PIANP: variants seen among roughly 807,000 people sequenced by gnomAD.
PIANP encodes the protein PILR alpha associated neural protein, also known as PILR alpha-associated neural protein.
Under a neutral mutation model 28.9 loss-of-function variants are expected in PIANP, and 14 were observed. That is an observed-to-expected ratio of 0.49 (90% CI 0.32 to 0.76). PIANP has a LOEUF of 0.76. Ranked by LOEUF, PIANP falls within the 30% of genes least tolerant of loss-of-function variation. The pLI is 0.03. For synonymous variants in PIANP, 149 were observed against 156.6 expected, an observed-to-expected ratio of 0.95 and a Z score of 0.36; for missense variants, 322 against 371.8, an observed-to-expected ratio of 0.87 and a Z score of 1.10.
Position 6,694,749 on chromosome 12 carries a change from G to C in PIANP, c.*677C>G, listed in dbSNP as rs530397361. On this transcript the variant is annotated 3_prime_UTR_variant, in exon 5 of 5. Coordinates refer to ENST00000534837, the MANE Select transcript of PIANP (RefSeq NM_001244014.2). This position sits in a 1 kb window ranked among gnomAD's most constrained non-coding sequence, Gnocchi z 6.1. The stretch of plus-strand genomic sequence containing the variant: ...ATGGACGGGGAGAGGGTGCAGGAGC[G>C]TGTGCAAATGGCCTGTGAAGGTGGA... 7 of 425,674 alleles carry C rather than the reference G, an allele frequency of 1.6e-5. No homozygotes were observed. The highest frequency in any genetic ancestry group is 3.0e-5 in the Non-Finnish European group (7 of 235,946). The allele number at this position is 425,674 out of a possible 1,614,324, so 26.4% of individuals were successfully genotyped here.
downstream of PIANP, among the ~76,000 whole-genome samples, chr12:6,692,458 G>A (rs1959723805): frequency 1.3e-5 from 2 of 152,194 alleles, no homozygotes; most frequent in Non-Finnish European, 2.9e-5. Context: ...TGTGGGGAAA[G>A]AAGGAAAGGT....
rs1437148048 is a variant in PIANP at position 6,695,467 on chromosome 12, G to A, written c.790C>T (p.Pro264Ser). The A allele has an allele frequency of 2.0e-6, 3 of 1,514,592 alleles. No individual in the cohort carries two copies. Among genetic ancestry groups the A allele is most frequent in the Admixed American group, 2.1e-5 (1 of 47,218 alleles). The allele number at this position is 1,514,592 out of a possible 1,614,324, so 93.8% of individuals were successfully genotyped here. ...EPRGGPRPGM[P>S]HPKGAPAFQL... The stretch of plus-strand genomic sequence containing the variant: ...AAGGCTGGAGCCCCCTTGGGGTGGG[G>A]CATCCCAGGCCGGGGTCCCCCTCGG... The change falls in exon 5 of 5, where the codon CCC becomes TCC. Residue 264 changes from proline (P) to serine (S), a missense_variant. Coordinates refer to ENST00000534837, the MANE Select transcript of PIANP (RefSeq NM_001244014.2). This position sits in a 1 kb window ranked among gnomAD's most constrained non-coding sequence, Gnocchi z 4.2.
In PIANP at chr12:6,695,517, G is replaced by A; in HGVS notation, c.740C>T (p.Thr247Ile). 6.3e-7 allele frequency: 1 copy of A among 1,576,368 alleles called. No individual in the cohort carries two copies. Among genetic ancestry groups the A allele is most frequent in the East Asian group, 2.3e-5 (1 of 42,646 alleles). ...GGGCTCCTCATGGTCAGGGGTGGGG[G>A]TAGGTGAGTCCCCGAAGGCCCCCAG... ...TVLGAFGDSP[T>I]PTPDHEEPRG... The change falls in exon 5 of 5, where the codon ACC becomes ATC. Residue 247 changes from threonine to isoleucine, a missense_variant. Coordinates refer to ENST00000534837, the MANE Select transcript of PIANP (RefSeq NM_001244014.2). This position sits in a 1 kb window ranked among gnomAD's most constrained non-coding sequence, Gnocchi z 4.2.
Position 6,694,649 on chromosome 12 carries a change from C to T in PIANP, c.*777G>A, listed in dbSNP as rs1959791912. 1 of 201,218 alleles carries T rather than the reference C, an allele frequency of 5.0e-6. No individual in the cohort carries two copies. Among genetic ancestry groups the T allele is most frequent in the Non-Finnish European group, 1.0e-5 (1 of 99,212 alleles). The allele number at this position is 201,218 out of a possible 1,614,324, so 12.5% of individuals were successfully genotyped here. A position where few individuals can be genotyped will look rare whatever the true frequency, so the allele number is the denominator to read the frequency against. ...CAGGAAACGCTGACCACTGAGTGAG[C>T]TGAGCACAGAATGTGGGAAGGAGAG... On this transcript the variant is annotated 3_prime_UTR_variant, in exon 5 of 5. Transcript: ENST00000534837. The surrounding 1 kb of genome is among the most constrained non-coding windows in gnomAD (Gnocchi z 6.1).
At chr12:6,699,690 C>A (rs1015394695) in intron 1 of PIANP, among the ~76,000 whole-genome samples, 5 of 150,720 alleles carry the variant, frequency 3.3e-5, no homozygotes, top group African/African-American at 1.2e-4. Context: ...GGGGGAAAGC[C>A]CAGGATGGGG....
Position 6,696,634 on chromosome 12 carries a change from T to A in PIANP, c.524-110A>T. The A allele has an allele frequency of 1.5e-6, 1 of 670,552 alleles. No homozygotes were observed. The highest frequency in any genetic ancestry group is 3.5e-5 in the Admixed American group (1 of 28,204). 41.5% of individuals were successfully genotyped at this position (670,552 alleles called of 1,614,324 possible). The stretch of plus-strand genomic sequence containing the variant: ...GGCTGGAGTGGCATTGCTGTGTGGA[T>A]CCACACTGCCGGCTCTGTCTGCCCC... On this transcript the variant is annotated intron_variant, in intron 3 of 4. Coordinates refer to ENST00000534837, the MANE Select transcript of PIANP (RefSeq NM_001244014.2). The surrounding 1 kb of genome is among the most constrained non-coding windows in gnomAD (Gnocchi z 4.0).
In PIANP at chr12:6,697,825, A is replaced by G. The variant is rs1406525312; in HGVS notation, c.18-33T>C. On this transcript the variant is annotated intron_variant, in intron 2 of 4. Transcript: ENST00000534837. This position sits in a 1 kb window ranked among gnomAD's most constrained non-coding sequence, Gnocchi z 6.9. ...AAGGGAGAGAGCGTGGCTGAGACAC[A>G]GGCCTACTGTGGGCCTATGTGAGGG... 3.3e-6 allele frequency: 5 copies of G among 1,503,724 alleles called. No homozygotes were observed. The highest frequency in any genetic ancestry group is 2.4e-5 in the East Asian group (1 of 41,816). 93.1% of individuals were successfully genotyped at this position (1,503,724 alleles called of 1,614,324 possible). A position where few individuals can be genotyped will look rare whatever the true frequency, so the allele number is the denominator to read the frequency against.
At chr12:6,698,140 G>A in intron 1 of PIANP, 36 bp from the exon 2 acceptor site, 3 of 1,469,016 alleles carry the variant, frequency 2.0e-6, no homozygotes, top group Non-Finnish European at 2.8e-6. Context: ...CCCCAGCCCT[G>A]CCCTGTGTAC....
chr12:6,697,295 C>A lies in PIANP; in HGVS notation c.515G>T (p.Arg172Leu). 1.2e-6 allele frequency: 2 copies of A among 1,613,700 alleles called. No homozygotes were observed. Among genetic ancestry groups the A allele is most frequent in the South Asian group, 2.2e-5 (2 of 91,034 alleles). Residue 172 changes from arginine to leucine, a missense_variant, in exon 3 of 5, where the codon CGT becomes CTT. Coordinates refer to ENST00000534837, the MANE Select transcript of PIANP (RefSeq NM_001244014.2). The surrounding 1 kb of genome is among the most constrained non-coding windows in gnomAD (Gnocchi z 6.9). Reference protein sequence around the residue: ...ATLRPFLFGGRGEGVDPQLYV... With the variant: ...ATLRPFLFGGLGEGVDPQLYV... ...CAGCCTTTCCCACTCACCTTCCCCA[C>A]GGCCCCCGAACAGGAATGGCCGCAG...
At position 6,696,447 on chromosome 12, in the gene PIANP, A is replaced by G. The variant is rs1179123132; in HGVS notation, c.601T>C (p.Phe201Leu). Residue 201 changes from phenylalanine (F) to leucine (L), a missense_variant, in exon 4 of 5, where the codon TTC (phenylalanine) becomes CTC (leucine). By Grantham distance (22) the Phe-to-Leu change is conservative. Transcript: ENST00000534837. The surrounding 1 kb of genome is among the most constrained non-coding windows in gnomAD (Gnocchi z 4.0). ...VLVATGIIFK[F>L]CWDRSQKRRR... ...ACCTTCCTCCTCCCAGCTTACCAGA[A>G]CTTGAAGATGATGCCAGTGGCCACG... 1 of 1,596,360 alleles carries G rather than the reference A, an allele frequency of 6.3e-7. No homozygotes were observed. Among genetic ancestry groups the G allele is most frequent in the African/African-American group, 1.3e-5 (1 of 74,442 alleles).
In PIANP at chr12:6,694,596, G is replaced by A. The variant is rs1355971870; in HGVS notation, c.*830C>T. 6.9e-5 allele frequency: 11 copies of A among 158,826 alleles called. No individual in the cohort carries two copies. The highest frequency in any genetic ancestry group is 2.0e-4 in the South Asian group (1 of 4,944). The allele number at this position is 158,826 out of a possible 1,614,324, so 9.8% of individuals were successfully genotyped here. ...CCGCACACCACCACAACATCAGGCC[G>A]GGAAACGCACATGAGAGGTAAAGTG... On this transcript the variant is annotated 3_prime_UTR_variant, in exon 5 of 5. Coordinates refer to ENST00000534837, the MANE Select transcript of PIANP (RefSeq NM_001244014.2). The surrounding 1 kb of genome is among the most constrained non-coding windows in gnomAD (Gnocchi z 6.1).
chr12:6,692,374 C>G (rs533278789), downstream of PIANP, among the ~76,000 whole-genome samples: 4 of 152,222 alleles, frequency 2.6e-5, no homozygotes, highest in Non-Finnish European at 5.9e-5. Flanking sequence ...TGCTCTCCGG[C>G]ACTTGAGCTC....
At position 6,696,610 on chromosome 12, in the gene PIANP, G is replaced by T; in HGVS notation, c.524-86C>A. The T allele has an allele frequency of 2.2e-6, 2 of 925,106 alleles. No individual in the cohort carries two copies. The highest frequency in any genetic ancestry group is 3.1e-6 in the Non-Finnish European group (2 of 645,040). The allele number at this position is 925,106 out of a possible 1,614,324, so 57.3% of individuals were successfully genotyped here. ...GGGGGCTGGGCTGTGGGCTCTGTCGGCTGGAGTGGCATTGCTGTGTGGATC... is the reference window on the plus strand; with the variant it reads ...GGGGGCTGGGCTGTGGGCTCTGTCGTCTGGAGTGGCATTGCTGTGTGGATC... On this transcript the variant is annotated intron_variant, in intron 3 of 4. Transcript: ENST00000534837. The surrounding 1 kb of genome is among the most constrained non-coding windows in gnomAD (Gnocchi z 4.0).
rs778908902 is a variant in PIANP at position 6,696,016 on chromosome 12, T to G, written c.606-365A>C. Among the ~76,000 whole-genome samples, 1 of 152,186 alleles carries G rather than the reference T, an allele frequency of 6.6e-6. No individual in the cohort carries two copies. The highest frequency in any genetic ancestry group is 1.5e-5 in the Non-Finnish European group (1 of 68,032). On this transcript the variant is annotated intron_variant, in intron 4 of 4. Transcript: ENST00000534837. This position sits in a 1 kb window ranked among gnomAD's most constrained non-coding sequence, Gnocchi z 4.0. ...TCTAGTTCAAAGCAAGCTGATGACT[T>G]GGACACCTGAGTCTAATGATTCTCT...
At chr12:6,693,472 G>A (rs1959746940), downstream of PIANP, among the ~76,000 whole-genome samples, 1 of 152,008 alleles carries the variant, frequency 6.6e-6, no homozygotes, top group Non-Finnish European at 1.5e-5. Flanking sequence ...CTTCCGCCTT[G>A]ATCCACCTCC....
Position 6,695,363 on chromosome 12 carries a change from AC to A in PIANP, c.*62del. The A allele has an allele frequency of 7.1e-7, 1 of 1,405,836 alleles. No individual in the cohort carries two copies. Among genetic ancestry groups the A allele is most frequent in the Non-Finnish European group, 9.3e-7 (1 of 1,075,584 alleles). The allele number at this position is 1,405,836 out of a possible 1,614,324, so 87.1% of individuals were successfully genotyped here. On this transcript the variant is annotated 3_prime_UTR_variant, in exon 5 of 5. Transcript: ENST00000534837. This position sits in a 1 kb window ranked among gnomAD's most constrained non-coding sequence, Gnocchi z 4.2. Reference sequence around the variant, plus strand: ...CACTACCCATCCAGAGGGCACCCCCACCCCAGCTCTGAAGACCTAAGTTGCC... The same window carrying A: ...CACTACCCATCCAGAGGGCACCCCCACCCAGCTCTGAAGACCTAAGTTGCC...
In PIANP at chr12:6,695,536, C is replaced by G; in HGVS notation, c.721G>C (p.Ala241Pro). 6.3e-7 allele frequency: 1 copy of G among 1,589,488 alleles called. No individual in the cohort carries two copies. The highest frequency in any genetic ancestry group is 1.2e-5 in the South Asian group (1 of 86,592). Reference sequence around the variant, plus strand: ...GTGGGGGTAGGTGAGTCCCCGAAGGCCCCCAGCACAGTGACTCCAGCCGGG... The same window carrying G: ...GTGGGGGTAGGTGAGTCCCCGAAGGGCCCCAGCACAGTGACTCCAGCCGGG... ...LSPAGVTVLG[A>P]FGDSPTPTPD... The change falls in exon 5 of 5, where the codon GCC (alanine) becomes CCC (proline). Residue 241 changes from alanine to proline, a missense_variant. Coordinates refer to ENST00000534837, the MANE Select transcript of PIANP (RefSeq NM_001244014.2). This position sits in a 1 kb window ranked among gnomAD's most constrained non-coding sequence, Gnocchi z 4.2.
chr12:6,698,192 CT>C, intron 1 of PIANP, 88 bp from the exon 2 acceptor site: 1 of 1,064,556 alleles, frequency 9.4e-7, no homozygotes. Flanking sequence ...CGCATCTGCC[CT>C]CCCAGGCCAC....
At position 6,695,184 on chromosome 12, in the gene PIANP, G is replaced by GA. The variant is rs1386467701; in HGVS notation, c.*241dup. ...AGTTGTCTTAGACAAGGTGGCATGA[G>GA]AAAAAACCAAAGAGGGCAGAGTTGG... On this transcript the variant is annotated 3_prime_UTR_variant, in exon 5 of 5. Coordinates refer to ENST00000534837, the MANE Select transcript of PIANP (RefSeq NM_001244014.2). This position sits in a 1 kb window ranked among gnomAD's most constrained non-coding sequence, Gnocchi z 4.2. 4 of 1,459,202 alleles carry GA rather than the reference G, an allele frequency of 2.7e-6. No individual in the cohort carries two copies. The highest frequency in any genetic ancestry group is 2.8e-5 in the African/African-American group (2 of 70,382). 90.4% of individuals were successfully genotyped at this position (1,459,202 alleles called of 1,614,324 possible).
Sources: gnomAD v4.1 joint callset for allele counts (sites outside exome capture counted in the v4.1 genomes callset) on GRCh38, gnomAD v4.1.1 for gene constraint, Gnocchi (gnomAD v3.1) non-coding constraint, MANE v1.5 for transcripts, NCBI Gene and HGNC (gene_info 2026-07-23, HGNC 2026-07-21) for gene names.